The following TPD52L1 variants were observed in gnomAD, a reference collection of about 807,000 sequenced individuals.
TPD52L1 encodes TPD52 like 1.
TPD52L1 carries 18 observed loss-of-function variants against 28.7 expected under a neutral mutation model. The observed-to-expected ratio is 0.63, with a 90% CI of 0.43 to 0.93. TPD52L1 has a LOEUF of 0.93. Among genes scored for constraint, TPD52L1 ranks in the 40% least tolerant of loss-of-function variants. TPD52L1 has a pLI of 0.00. For synonymous variants in TPD52L1, 75 were observed against 88.8 expected (o/e 0.84, Z 0.88); for missense variants, 203 against 254.8 (o/e 0.80, Z 1.39).
chr6:125,208,325 A>T (rs1011675763), intron 1 of TPD52L1, among the ~76,000 whole-genome samples: 6 of 152,230 alleles, frequency 3.9e-5, no homozygotes, highest in Admixed American at 1.3e-4. Flanking sequence ...AAACACAGTC[A>T]TCTAAGATAG....
chr6:125,214,538 G>T, intron 1 of TPD52L1: 1 of 751,408 alleles, frequency 1.3e-6, no homozygotes, highest in Non-Finnish European at 1.6e-6. Context: ...CTTTTGCTAT[G>T]CCAAGAGAGA....
At chr6:125,237,644 C>A (rs1796347783) in intron 3 of TPD52L1, among the ~76,000 whole-genome samples, 1 of 152,070 alleles carries the variant, frequency 6.6e-6, no homozygotes, top group African/African-American at 2.4e-5. Flanking sequence ...AATAATGTTT[C>A]ATCAGCATAT....
chr6:125,190,104 G>A lies in TPD52L1; in HGVS notation c.20-29974G>A, dbSNP rs73771268. Among the ~76,000 whole-genome samples, 1,434 of 152,150 alleles carry A rather than the reference G, an allele frequency of 9.4e-3. 28 individuals are homozygous for A. Among genetic ancestry groups the A allele is most frequent in the African/African-American group, 0.033 (1,365 of 41,528 alleles). ...ACATTTGCCATGTCTTTCTATGGCT[G>A]AAGACAACTTCAAAGTAACTAAAAG... On this transcript the variant is annotated intron_variant, in intron 1 of 6. Coordinates refer to ENST00000534000, the MANE Select transcript of TPD52L1 (RefSeq NM_003287.4).
chr6:125,157,063 AAATG>A (rs1190155864), intron 1 of TPD52L1, among the ~76,000 whole-genome samples: 1 of 152,236 alleles, frequency 6.6e-6, no homozygotes, highest in African/African-American at 2.4e-5. Flanking sequence ...TTTTCTGGCT[AAATG>A]AATGATTTGC....
intron 5 of TPD52L1, among the ~76,000 whole-genome samples, chr6:125,256,106 T>G (rs1182657020): frequency 2.0e-5 from 3 of 152,122 alleles, no homozygotes; most frequent in Non-Finnish European, 4.4e-5. Flanking sequence ...CCCAGCACTT[T>G]TGGAGGCCGA....
intron 1 of TPD52L1, among the ~76,000 whole-genome samples, chr6:125,215,997 T>C (rs1366947737): frequency 2.6e-5 from 4 of 152,144 alleles, no homozygotes; most frequent in Non-Finnish European, 5.9e-5. Flanking sequence ...CACAGTGTGT[T>C]GCAGTACCCC....
chr6:125,204,520 C>T (rs774624954), intron 1 of TPD52L1, among the ~76,000 whole-genome samples: 2 of 152,002 alleles, frequency 1.3e-5, no homozygotes, highest in Non-Finnish European at 2.9e-5. Context: ...CACTCTGTCG[C>T]CCAGGCTGGA....
chr6:125,263,127 T>C lies in TPD52L1; in HGVS notation c.*165T>C. ...AAGTTTAATGATTTCCATTTGTATT[T>C]GTGTTGATGATGGACCACTTGACCA... is the stretch of plus-strand genomic sequence containing the variant. On this transcript the variant is annotated 3_prime_UTR_variant, in exon 7 of 7. Transcript: ENST00000534000. 1 of 805,506 alleles carries C rather than the reference T, an allele frequency of 1.2e-6. No individual in the cohort carries two copies. The highest frequency in any genetic ancestry group is 1.9e-6 in the Non-Finnish European group (1 of 531,460). 49.9% of individuals were successfully genotyped at this position (805,506 alleles called of 1,614,324 possible). A position where few individuals can be genotyped will look rare whatever the true frequency, so the allele number is the denominator to read the frequency against.
intron 2 of TPD52L1, among the ~76,000 whole-genome samples, chr6:125,223,882 T>A (rs1028958611): frequency 6.6e-6 from 1 of 152,154 alleles, no homozygotes; most frequent in African/African-American, 2.4e-5. Context: ...ATATTTATAA[T>A]TAGCTTGAGT....
intron 1 of TPD52L1, chr6:125,203,710 T>C (rs1408453340): frequency 1.0e-6 from 1 of 985,326 alleles, no homozygotes; most frequent in African/African-American, 1.7e-5. Context: ...GCTCACTCTT[T>C]GGTTGAGAAT....
intron 1 of TPD52L1, among the ~76,000 whole-genome samples, chr6:125,184,377 A>G (rs1792444196): frequency 6.6e-6 from 1 of 152,202 alleles, no homozygotes; most frequent in Admixed American, 6.5e-5. Flanking sequence ...CAGAAAACTG[A>G]TGCCTCCAAG....
intron 4 of TPD52L1, chr6:125,252,870 G>T (rs1242823200): frequency 1.3e-5 from 2 of 152,180 alleles, no homozygotes; most frequent in African/African-American, 4.8e-5. Flanking sequence ...TATTATGAGG[G>T]AAGGGTGACA....
At chr6:125,182,807 C>T (rs762924201) in intron 1 of TPD52L1, among the ~76,000 whole-genome samples, 22 of 152,120 alleles carry the variant, frequency 1.4e-4, no homozygotes, top group South Asian at 2.1e-4. Context: ...ATTTCACAGA[C>T]GAGTAAACAG....
In TPD52L1 at chr6:125,263,695, A is replaced by G. The variant is rs1237206712; in HGVS notation, c.*733A>G. 2 of 152,238 alleles carry G rather than the reference A, an allele frequency of 1.3e-5. No homozygotes were observed. The highest frequency in any genetic ancestry group is 4.8e-5 in the African/African-American group (2 of 41,330). 9.4% of individuals were successfully genotyped at this position (152,238 alleles called of 1,614,324 possible). ...ACAGACCCTGTCTCTACAAAAAAAG[A>G]AAAAAATTAGCCAGACATAGTGTTG... is the stretch of plus-strand genomic sequence containing the variant. On this transcript the variant is annotated 3_prime_UTR_variant, in exon 7 of 7. Transcript: ENST00000534000.
chr6:125,171,930 A>G (rs1461047542), intron 1 of TPD52L1, among the ~76,000 whole-genome samples: 1 of 150,184 alleles, frequency 6.7e-6, no homozygotes, highest in Admixed American at 6.6e-5. Context: ...GATGGGATGT[A>G]TATTTTTTTT....
chr6:125,223,270 C>T (rs1052876146), intron 2 of TPD52L1, among the ~76,000 whole-genome samples: 1 of 152,196 alleles, frequency 6.6e-6, no homozygotes, highest in African/African-American at 2.4e-5. Flanking sequence ...CAACCAATCT[C>T]ATAACCCCAT....
chr6:125,154,508 C>T, intron 1 of TPD52L1: 1 of 983,994 alleles, frequency 1.0e-6, no homozygotes, highest in Non-Finnish European at 1.2e-6. Flanking sequence ...CGTTACCGGC[C>T]CCCTGACCTC....
At chr6:125,189,571 T>A (rs889400315) in intron 1 of TPD52L1, among the ~76,000 whole-genome samples, 43 of 152,252 alleles carry the variant, frequency 2.8e-4, no homozygotes, top group Non-Finnish European at 8.8e-5. Context: ...TTTTCTATCC[T>A]GTCATTTACT....
chr6:125,235,952 C>T (rs1796241549), intron 3 of TPD52L1, among the ~76,000 whole-genome samples: 1 of 152,076 alleles, frequency 6.6e-6, no homozygotes. Flanking sequence ...TGCATTTTAG[C>T]ATTCTTGAAA....
Sources: gnomAD v4.1 joint callset for allele counts (sites outside exome capture counted in the v4.1 genomes callset) on GRCh38, gnomAD v4.1.1 for gene constraint, MANE v1.5 for transcripts, NCBI Gene and HGNC (gene_info 2026-07-23, HGNC 2026-07-21) for gene names.